The following YEATS4 variants were observed in gnomAD, a reference collection of about 807,000 sequenced individuals.
The protein encoded by YEATS4 is YEATS domain-containing protein 4.
In YEATS4, 17 loss-of-function variants were observed where a neutral mutation model predicts 30.1. The ratio of observed to expected loss-of-function variants is 0.56; its 90% CI spans 0.39 to 0.85. The LOEUF is 0.85. Ranked by LOEUF, YEATS4 falls within the 40% of genes least tolerant of loss-of-function variation. The probability of loss-of-function intolerance (pLI) is 0.00; values close to 1 mark genes in which losing one functional copy is unlikely to be tolerated. For synonymous variants in YEATS4, 85 were observed against 87.5 expected (o/e 0.97, Z 0.16); for missense variants, 142 against 268.3 (o/e 0.53, Z 3.29).
At chr12:69,387,492 A>G (rs1285447569) in intron 6 of YEATS4, among the ~76,000 whole-genome samples, 2 of 152,206 alleles carry the variant, frequency 1.3e-5, no homozygotes, top group Admixed American at 6.5e-5. Context: ...CATACACATT[A>G]TTGCATTGTT....
chr12:69,362,357 T>A (rs753359340), intron 1 of YEATS4, among the ~76,000 whole-genome samples: 1 of 152,232 alleles, frequency 6.6e-6, no homozygotes, highest in Admixed American at 6.5e-5. Flanking sequence ...TGAAAAATGT[T>A]TGACCTTTAT....
chr12:69,372,684 A>G lies in YEATS4; in HGVS notation c.514+1709A>G, dbSNP rs940965908. Reference sequence around the variant, plus strand: ...CTAGTAGCTGGGATTACAGGTGTGTACCACCACACCTGGCTAATTTTTTTT... The same window carrying G: ...CTAGTAGCTGGGATTACAGGTGTGTGCCACCACACCTGGCTAATTTTTTTT... On this transcript the variant is annotated intron_variant, in intron 6 of 6. Transcript: ENST00000247843. 2.6e-5 allele frequency among the ~76,000 whole-genome samples: 4 copies of G among 151,604 alleles called. No homozygotes were observed. The South Asian group carries it at 8.3e-4, about 32-fold the overall frequency.
At chr12:69,419,808 C>A in the YEATS4 span, among the ~76,000 whole-genome samples, 1 of 152,142 alleles carries the variant, frequency 6.6e-6, no homozygotes, top group Non-Finnish European at 1.5e-5. Flanking sequence ...GATGGCATTG[C>A]TAGTAAGACA....
the YEATS4 span, among the ~76,000 whole-genome samples, chr12:69,421,436 G>A: frequency 3.1e-3 from 469 of 152,112 alleles, 3 homozygotes; most frequent in African/African-American, 0.011. Context: ...ATATTATATC[G>A]TATTTTCTAC....
intron 6 of YEATS4, among the ~76,000 whole-genome samples, chr12:69,384,558 G>C (rs1176891815): frequency 6.6e-6 from 1 of 152,168 alleles, no homozygotes; most frequent in East Asian, 1.9e-4. Flanking sequence ...ACTTAATTTT[G>C]ATCATCACTT....
the YEATS4 span, among the ~76,000 whole-genome samples, chr12:69,415,848 G>A: frequency 2.3e-3 from 357 of 152,336 alleles, no homozygotes; most frequent in African/African-American, 8.2e-3. Flanking sequence ...GCCGACTAGC[G>A]AGGGGATCAC....
At chr12:69,412,147 G>A in the YEATS4 span, among the ~76,000 whole-genome samples, 63,079 of 152,014 alleles carry the variant, frequency 0.41, 14,214 homozygotes, top group East Asian at 0.62. Flanking sequence ...AGATTCATTT[G>A]TCCAGCAAAT....
Position 69,359,879 on chromosome 12 carries a change from C to T in YEATS4, c.-94C>T. ...TTCGGCTAGAAACCCTCCGCCTGGG[C>T]CCGCGCGACAGGAGCGCGGTCTCTG... On this transcript the variant is annotated 5_prime_UTR_variant, in exon 1 of 7. Coordinates refer to ENST00000247843, the MANE Select transcript of YEATS4 (RefSeq NM_006530.4). 3.3e-6 allele frequency: 5 copies of T among 1,510,862 alleles called. No individual in the cohort carries two copies. Among genetic ancestry groups the T allele is most frequent in the Non-Finnish European group, 4.5e-6 (5 of 1,102,726 alleles). 93.6% of individuals were successfully genotyped at this position (1,510,862 alleles called of 1,614,324 possible). A position where few individuals can be genotyped will look rare whatever the true frequency, so the allele number is the denominator to read the frequency against.
chr12:69,363,569 G>C (rs1163596013), intron 2 of YEATS4, among the ~76,000 whole-genome samples: 1 of 152,146 alleles, frequency 6.6e-6, no homozygotes, highest in African/African-American at 2.4e-5. Flanking sequence ...GTAATAATGT[G>C]GTAATAAGAA....
intron 6 of YEATS4, among the ~76,000 whole-genome samples, chr12:69,379,356 C>CCT (rs745490778): frequency 9.2e-5 from 14 of 151,416 alleles, no homozygotes; most frequent in African/African-American, 2.2e-4. Flanking sequence ...ACTTTCTACT[C>CCT]CTCTCTCTCT....
chr12:69,395,852 C>T (rs1868348186), downstream of YEATS4, among the ~76,000 whole-genome samples: 1 of 152,126 alleles, frequency 6.6e-6, no homozygotes, highest in African/African-American at 2.4e-5. Flanking sequence ...GTCCGGTGAA[C>T]TCGGATAAAT....
chr12:69,410,661 A>G, the YEATS4 span, among the ~76,000 whole-genome samples: 1 of 152,244 alleles, frequency 6.6e-6, no homozygotes, highest in Non-Finnish European at 1.5e-5. Flanking sequence ...TGCTGTTTTG[A>G]GTCGCCGGAG....
At chr12:69,423,603 G>A in the YEATS4 span, among the ~76,000 whole-genome samples, 1 of 152,216 alleles carries the variant, frequency 6.6e-6, no homozygotes, top group African/African-American at 2.4e-5. Context: ...CAGATTAGGA[G>A]GGGGTGAAGT....
chr12:69,360,186 C>T (rs923276855), intron 1 of YEATS4, among the ~76,000 whole-genome samples, 163 bp downstream of exon 1: 2 of 152,104 alleles, frequency 1.3e-5, no homozygotes, highest in Admixed American at 6.5e-5. Flanking sequence ...AGCGAAAAAC[C>T]GGCGTTCATT....
At chr12:69,414,805 A>G in the YEATS4 span, among the ~76,000 whole-genome samples, 1 of 152,164 alleles carries the variant, frequency 6.6e-6, no homozygotes, top group African/African-American at 2.4e-5. Flanking sequence ...TGGATTTGAG[A>G]TTAACTGGGG....
At chr12:69,381,481 C>T (rs2121027489) in intron 6 of YEATS4, among the ~76,000 whole-genome samples, 1 of 152,224 alleles carries the variant, frequency 6.6e-6, no homozygotes, top group East Asian at 1.9e-4. Context: ...TTAACGCAAT[C>T]ATCACAGGGT....
intron 6 of YEATS4, among the ~76,000 whole-genome samples, chr12:69,373,195 G>GT (rs1251584841): frequency 2.0e-5 from 3 of 152,108 alleles, no homozygotes; most frequent in Non-Finnish European, 4.4e-5. Context: ...TCTATTTTTT[G>GT]TTTTTTGAGG....
chr12:69,393,300 G>A (rs570310127), downstream of YEATS4, among the ~76,000 whole-genome samples: 1 of 152,148 alleles, frequency 6.6e-6, no homozygotes, highest in East Asian at 1.9e-4. Flanking sequence ...ACAAACAAAA[G>A]ACACAAACAA....
At chr12:69,387,773 CAG>C (rs527992980) in intron 6 of YEATS4, among the ~76,000 whole-genome samples, 141 of 152,274 alleles carry the variant, frequency 9.3e-4, no homozygotes, top group African/African-American at 3.2e-3. Flanking sequence ...GGGAAGATAT[CAG>C]AGAACACAAC....
Sources: gnomAD v4.1 joint callset for allele counts (sites outside exome capture counted in the v4.1 genomes callset) on GRCh38, gnomAD v4.1.1 for gene constraint, MANE v1.5 for transcripts, NCBI Gene and HGNC (gene_info 2026-07-23, HGNC 2026-07-21) for gene names.